NOLC1: variants seen among roughly 807,000 people sequenced by gnomAD.
NOLC1 encodes the protein nucleolar and coiled-body phosphoprotein 1, also known as 140 kDa nucleolar phosphoprotein.
A neutral mutation model predicts 73.4 loss-of-function variants in NOLC1; 37 were observed. That is an observed-to-expected ratio of 0.50 (90% CI 0.39 to 0.66). NOLC1 has a LOEUF of 0.66. Ranked by LOEUF, NOLC1 falls within the 30% of genes least tolerant of loss-of-function variation. NOLC1 has a pLI of 0.00. For synonymous variants in NOLC1, 327 were observed against 302.6 expected (o/e 1.08, Z -0.84); for missense variants, 921 against 838.9 (o/e 1.10, Z -1.21).
Position 102,159,912 on chromosome 10 carries a change from C to T in NOLC1, c.876C>T (p.Val292=), listed in dbSNP as rs774968590. 3 of 1,597,780 alleles carry T rather than the reference C, an allele frequency of 1.9e-6. No homozygotes were observed. The highest frequency in any genetic ancestry group is 2.3e-5 in the East Asian group (1 of 44,230). The stretch of plus-strand genomic sequence containing the variant: ...TTTAAACAGGTCCCTACAGTTCAGT[C>T]CCCCCGCCTTCTGCTCCCCCACCAA... ...MKNKPGPYSS[V]PPPSAPPPKK... Residue 292 remains valine, a synonymous_variant, in exon 8 of 13, where the codon GTC becomes GTT. Transcript: ENST00000605788.
chr10:102,161,814 C>G lies in NOLC1; in HGVS notation c.1849-19C>G. ...ACATGACCACTCTGTCTTTAATTTC[C>G]TACTTCATTCTTCTGTAGGGAGAAA... On this transcript the variant is annotated intron_variant, in intron 11 of 12. Coordinates refer to ENST00000605788, the MANE Select transcript of NOLC1 (RefSeq NM_004741.5). 1 of 1,611,098 alleles carries G rather than the reference C, an allele frequency of 6.2e-7. No homozygotes were observed. Among genetic ancestry groups the G allele is most frequent in the Non-Finnish European group, 8.5e-7 (1 of 1,177,388 alleles).
rs777400242 is a variant in NOLC1 at position 102,159,526 on chromosome 10, G to C, written c.817G>C (p.Asp273His). 1.9e-6 allele frequency: 3 copies of C among 1,614,184 alleles called. No individual in the cohort carries two copies. The highest frequency in any genetic ancestry group is 2.5e-6 in the Non-Finnish European group (3 of 1,180,038). ...TTCTAGCAGTGAGGATTCCTCCAGTGACGAGGAAGAGGAGCAAAAAAAACC... is the reference window on the plus strand; with the variant it reads ...TTCTAGCAGTGAGGATTCCTCCAGTCACGAGGAAGAGGAGCAAAAAAAACC... Reference protein sequence around the residue: ...KSSSSEDSSSDEEEEQKKPMK... With the variant: ...KSSSSEDSSSHEEEEQKKPMK... Residue 273 changes from aspartate (D) to histidine (H), a missense_variant, in exon 7 of 13, where the codon GAC becomes CAC. Coordinates refer to ENST00000605788, the MANE Select transcript of NOLC1 (RefSeq NM_004741.5).
At chr10:102,152,718 C>T (rs1283777672) in intron 1 of NOLC1, among the ~76,000 whole-genome samples, 188 bp downstream of exon 1, 1 of 152,242 alleles carries the variant, frequency 6.6e-6, no homozygotes, top group Non-Finnish European at 1.5e-5. Flanking sequence ...TCCTCCATGT[C>T]TGAGTAGATA....
At chr10:102,153,827 C>T (rs2069546698) in intron 1 of NOLC1, among the ~76,000 whole-genome samples, 1 of 151,950 alleles carries the variant, frequency 6.6e-6, no homozygotes, top group South Asian at 2.1e-4. Flanking sequence ...CGCGTACCAC[C>T]ACGCCCGGCT....
chr10:102,156,252 A>G (rs1202750565), intron 1 of NOLC1, among the ~76,000 whole-genome samples: 2 of 152,180 alleles, frequency 1.3e-5, no homozygotes, highest in Admixed American at 6.6e-5. Context: ...TAGATAGTAC[A>G]TTGCTAGAGT....
At position 102,157,458 on chromosome 10, in the gene NOLC1, C is replaced by T. The variant is rs1469280223; in HGVS notation, c.344C>T (p.Pro115Leu). 6.2e-7 allele frequency: 1 copy of T among 1,614,134 alleles called. No homozygotes were observed. The highest frequency in any genetic ancestry group is 1.7e-5 in the Admixed American group (1 of 60,022). ...GTACCTGCCAAGCGAGTCGGTCTGC[C>T]TCCTGGGAAGGCTGCAGCCAAAGCA... Reference protein sequence around the residue: ...AAVPAKRVGLPPGKAAAKASE... With the variant: ...AAVPAKRVGLLPGKAAAKASE... The change falls in exon 4 of 13, where the codon CCT becomes CTT. Residue 115 changes from proline to leucine, a missense_variant. Coordinates refer to ENST00000605788, the MANE Select transcript of NOLC1 (RefSeq NM_004741.5).
chr10:102,161,618 A>T lies in NOLC1; in HGVS notation c.1804A>T (p.Lys602Ter). The T allele has an allele frequency of 6.2e-7, 1 of 1,614,146 alleles. No individual in the cohort carries two copies. The highest frequency in any genetic ancestry group is 8.5e-7 in the Non-Finnish European group (1 of 1,179,988). Residue 602 changes from lysine (K) to a stop codon, truncating the protein, a stop_gained, in exon 11 of 13, where the codon AAG becomes TAG. Coordinates refer to ENST00000605788, the MANE Select transcript of NOLC1 (RefSeq NM_004741.5). LOFTEE classifies it high-confidence loss of function. ...GGAGGCAGAGACTCCTCAGGCCAAG[A>T]AGATAAAGCTTCAGACCCCTAACAC... ...AKEAETPQAK[K>*]IKLQTPNTFP...
intron 11 of NOLC1, 43 bp from the exon 12 acceptor site, chr10:102,161,790 C>G: frequency 1.3e-6 from 2 of 1,588,780 alleles, no homozygotes; most frequent in African/African-American, 1.3e-5. Flanking sequence ...AGAACTGTTA[C>G]ATGACCACTC....
In NOLC1 at chr10:102,160,332, C is replaced by T. The variant is rs1481284914; in HGVS notation, c.1088C>T (p.Ser363Leu). The T allele has an allele frequency of 1.9e-6, 3 of 1,614,078 alleles. No homozygotes were observed. The highest frequency in any genetic ancestry group is 2.5e-6 in the Non-Finnish European group (3 of 1,180,002). The stretch of plus-strand genomic sequence containing the variant: ...GCAAAGAAAGCAGCAGAGAGCTCTT[C>T]AGACAGCTCAGGTAAGGCATATGGA... The part of the protein sequence containing the change: ...PPAKKAAESS[S>L]DSSDSDSSED... The change falls in exon 9 of 13, where the codon TCA becomes TTA. Residue 363 changes from serine to leucine, a missense_variant. Transcript: ENST00000605788.
chr10:102,159,844 A>C (rs1203220636), intron 7 of NOLC1, 52 bp from the exon 8 acceptor site: 1 of 1,449,724 alleles, frequency 6.9e-7, no homozygotes, highest in Non-Finnish European at 9.1e-7. Flanking sequence ...AAGTAGTATC[A>C]AAAAAAGTTG....
chr10:102,152,880 C>T (rs1342845420), intron 1 of NOLC1, among the ~76,000 whole-genome samples: 1 of 152,144 alleles, frequency 6.6e-6, no homozygotes, highest in Non-Finnish European at 1.5e-5. Flanking sequence ...TTCTGGGGGG[C>T]TTTTCGTTGG....
rs767543350 is a variant in NOLC1 at position 102,159,163 on chromosome 10, C to A, written c.608-30C>A. On this transcript the variant is annotated intron_variant, in intron 5 of 12. Coordinates refer to ENST00000605788, the MANE Select transcript of NOLC1 (RefSeq NM_004741.5). ...ATGGTCCTGACTTGCCCTAATACTCCTTACTCTTTCTTTTTCTTGGGTATT... is the reference window on the plus strand; with the variant it reads ...ATGGTCCTGACTTGCCCTAATACTCATTACTCTTTCTTTTTCTTGGGTATT... The A allele has an allele frequency of 3.7e-6, 6 of 1,609,364 alleles. No homozygotes were observed. In the East Asian group the frequency reaches 1.3e-4, roughly 36 times the overall value.
Position 102,158,046 on chromosome 10 carries a change from CAG to C in NOLC1, c.442-1_442del. On this transcript the variant is annotated splice_acceptor_variant, in intron 4 of 12. Transcript: ENST00000605788. LOFTEE classifies it high-confidence loss of function. ...ATTTCTCTCCTTGTGTCTTTTCTAA[CAG>C]AAGGGAGTTAAGCCCCAAGCCAAGG... The C allele has an allele frequency of 6.2e-7, 1 of 1,611,234 alleles. No individual in the cohort carries two copies. Among genetic ancestry groups the C allele is most frequent in the Middle Eastern group, 1.7e-4 (1 of 5,918 alleles).
intron 1 of NOLC1, 26 bp downstream of exon 1, chr10:102,152,556 C>T (rs752057770): frequency 1.2e-6 from 2 of 1,612,798 alleles, no homozygotes; most frequent in East Asian, 2.2e-5. Context: ...GGGGCGGGGA[C>T]CGGGCTGAGA....
chr10:102,158,260 C>G, intron 5 of NOLC1, 46 bp downstream of exon 5: 1 of 1,569,340 alleles, frequency 6.4e-7, no homozygotes, highest in Non-Finnish European at 8.7e-7. Flanking sequence ...CCAGATTGCT[C>G]TGGGGACTGG....
chr10:102,162,061 G>A, intron 12 of NOLC1, 50 bp from the exon 13 acceptor site: 1 of 1,606,156 alleles, frequency 6.2e-7, no homozygotes, highest in South Asian at 1.1e-5. Flanking sequence ...TAAAGTGACA[G>A]GGCTCCAGCA....
Position 102,158,039 on chromosome 10 carries a change from T to C in NOLC1, c.442-10T>C. The C allele has an allele frequency of 6.2e-7, 1 of 1,611,440 alleles. No individual in the cohort carries two copies. ...TTTGCTGATTTCTCTCCTTGTGTCT[T>C]TTCTAACAGAAGGGAGTTAAGCCCC... On this transcript the variant is annotated splice_polypyrimidine_tract_variant and intron_variant, in intron 4 of 12. Transcript: ENST00000605788.
At chr10:102,159,850 A>G (rs1248491103) in intron 7 of NOLC1, 46 bp from the exon 8 acceptor site, 5 of 1,465,502 alleles carry the variant, frequency 3.4e-6, no homozygotes, top group Middle Eastern at 3.6e-4. Flanking sequence ...TATCAAAAAA[A>G]GTTGTAGACA....
Position 102,160,908 on chromosome 10 carries a change from G to C in NOLC1, c.1556G>C (p.Ser519Thr), listed in dbSNP as rs1366644334. Residue 519 changes from serine (S) to threonine (T), a missense_variant, in exon 10 of 13, where the codon AGT (serine) becomes ACT (threonine). Ser to Thr is a moderately conservative substitution (Grantham distance 58). Coordinates refer to ENST00000605788, the MANE Select transcript of NOLC1 (RefSeq NM_004741.5). ...AKKGKAESSNSSSSDDSSEEE... is the reference protein window; with the variant it reads ...AKKGKAESSNTSSSDDSSEEE... ...AAAGGAAAGGCTGAGAGCAGCAACA[G>C]TTCTTCTTCTGATGACTCCAGTGAG... 1 of 1,614,092 alleles carries C rather than the reference G, an allele frequency of 6.2e-7. No homozygotes were observed. Among genetic ancestry groups the C allele is most frequent in the Non-Finnish European group, 8.5e-7 (1 of 1,180,046 alleles).
Sources: gnomAD v4.1 joint callset for allele counts (sites outside exome capture counted in the v4.1 genomes callset) on GRCh38, gnomAD v4.1.1 for gene constraint, MANE v1.5 for transcripts, NCBI Gene and HGNC (gene_info 2026-07-23, HGNC 2026-07-21) for gene names.